The following SLC24A2 variants were observed in gnomAD, a reference collection of about 807,000 sequenced individuals.
SLC24A2 encodes sodium/potassium/calcium exchanger 2.
Under a neutral mutation model 62.0 loss-of-function variants are expected in SLC24A2, and 36 were observed. The ratio of observed to expected loss-of-function variants is 0.58; its 90% CI spans 0.44 to 0.77. SLC24A2 has a LOEUF of 0.77. SLC24A2 is among the 30% of genes least tolerant of loss of function. The probability of loss-of-function intolerance (pLI) is 0.00; values close to 1 mark genes in which losing one functional copy is unlikely to be tolerated. For missense variants in SLC24A2, 846 were observed against 817.9 expected (o/e 1.03, Z -0.42); for synonymous variants, 358 against 294.0 (o/e 1.22, Z -2.23).
the SLC24A2 span, among the ~76,000 whole-genome samples, chr9:20,213,583 A>G: frequency 6.6e-6 from 1 of 152,338 alleles, no homozygotes; most frequent in East Asian, 1.9e-4. Context: ...TTAATCTGAA[A>G]AAGAAAATAA....
the SLC24A2 span, among the ~76,000 whole-genome samples, chr9:20,145,219 T>A: frequency 5.3e-5 from 8 of 152,162 alleles, no homozygotes; most frequent in Non-Finnish European, 1.2e-4. Flanking sequence ...ATAGGCATTT[T>A]GATAACTTCA....
At chr9:19,529,747 C>G (rs1445012622) in intron 8 of SLC24A2, among the ~76,000 whole-genome samples, 2 of 144,198 alleles carry the variant, frequency 1.4e-5, no homozygotes, top group African/African-American at 5.1e-5. Context: ...AGTTGGAGAC[C>G]TTCGTTTTTT....
intron 2 of SLC24A2, among the ~76,000 whole-genome samples, chr9:19,714,212 C>A (rs1455884553): frequency 6.6e-6 from 1 of 152,172 alleles, no homozygotes; most frequent in Non-Finnish European, 1.5e-5. Context: ...CCTATGGCCA[C>A]CCTTTTGTGA....
At chr9:20,284,354 A>G in the SLC24A2 span, among the ~76,000 whole-genome samples, 13 of 152,052 alleles carry the variant, frequency 8.5e-5, no homozygotes, top group Non-Finnish European at 2.9e-5. Flanking sequence ...CATAGCTCAC[A>G]GCAGGCTCGA....
At chr9:20,268,147 A>G in the SLC24A2 span, among the ~76,000 whole-genome samples, 449 of 152,318 alleles carry the variant, frequency 2.9e-3, 4 homozygotes, top group African/African-American at 0.01. Context: ...TGATGTGGGA[A>G]GCATGGCTTA....
the SLC24A2 span, among the ~76,000 whole-genome samples, chr9:20,078,201 A>T: frequency 6.6e-6 from 1 of 152,094 alleles, no homozygotes; most frequent in Non-Finnish European, 1.5e-5. Flanking sequence ...CAGACTGTGC[A>T]CTCCATAGTT....
chr9:19,547,039 T>C (rs1476998667), intron 8 of SLC24A2, among the ~76,000 whole-genome samples: 1 of 152,180 alleles, frequency 6.6e-6, no homozygotes, highest in Non-Finnish European at 1.5e-5. Context: ...GCGATCTCGC[T>C]GGGAGCTGCA....
the SLC24A2 span, among the ~76,000 whole-genome samples, chr9:20,118,852 T>A: frequency 6.6e-6 from 1 of 152,086 alleles, no homozygotes; most frequent in African/African-American, 2.4e-5. Context: ...CTCCCCTCCC[T>A]TGAGTGCAGA....
the SLC24A2 span, among the ~76,000 whole-genome samples, chr9:20,148,960 G>T: frequency 6.6e-6 from 1 of 152,054 alleles, no homozygotes; most frequent in Admixed American, 6.6e-5. Context: ...GCAGCAATAA[G>T]CTGGGAAAGT....
intron 2 of SLC24A2, among the ~76,000 whole-genome samples, chr9:19,718,458 ATTTTTTTTTTTTTTT>A (rs58736549): frequency 1.0e-5 from 1 of 99,798 alleles, no homozygotes. Context: ...ATGCCTGGCT[ATTTTTTTTTTTTTTT>A]TTTTTTTTTG....
the SLC24A2 span, among the ~76,000 whole-genome samples, chr9:20,031,672 G>GAA: frequency 6.6e-6 from 1 of 152,084 alleles, no homozygotes; most frequent in East Asian, 1.9e-4. Context: ...TACAAAACTT[G>GAA]TTATAGAACA....
the SLC24A2 span, among the ~76,000 whole-genome samples, chr9:20,142,452 T>A: frequency 2.7e-5 from 4 of 145,914 alleles, no homozygotes; most frequent in African/African-American, 1.1e-4. Flanking sequence ...CTTAAATATT[T>A]TTGTTTTTTA....
At chr9:19,641,007 G>A (rs1406218387) in intron 2 of SLC24A2, among the ~76,000 whole-genome samples, 1 of 152,194 alleles carries the variant, frequency 6.6e-6, no homozygotes, top group Non-Finnish European at 1.5e-5. Context: ...GTGGGCTTTG[G>A]TTGCTGTGTA....
chr9:19,789,708 G>C (rs1464062285), upstream of SLC24A2, among the ~76,000 whole-genome samples: 1 of 152,184 alleles, frequency 6.6e-6, no homozygotes, highest in African/African-American at 2.4e-5. Context: ...GGCTTGTTGG[G>C]GATGAGAGAC....
chr9:20,275,598 G>A, the SLC24A2 span, among the ~76,000 whole-genome samples: 1 of 152,098 alleles, frequency 6.6e-6, no homozygotes, highest in Non-Finnish European at 1.5e-5. Context: ...CTATATCCAG[G>A]GCAAGTTTGT....
chr9:19,857,020 T>G, the SLC24A2 span, among the ~76,000 whole-genome samples: 1 of 152,348 alleles, frequency 6.6e-6, no homozygotes, highest in East Asian at 1.9e-4. Flanking sequence ...TATTTTAACT[T>G]TATTGTTAAA....
chr9:20,187,788 T>C, the SLC24A2 span, among the ~76,000 whole-genome samples: 1 of 152,134 alleles, frequency 6.6e-6, no homozygotes, highest in Non-Finnish European at 1.5e-5. Flanking sequence ...CCATAATTAA[T>C]CATCTGTTTA....
At chr9:19,700,727 C>T (rs1820332050) in intron 2 of SLC24A2, among the ~76,000 whole-genome samples, 1 of 152,192 alleles carries the variant, frequency 6.6e-6, no homozygotes, top group Non-Finnish European at 1.5e-5. Flanking sequence ...TCTAAATATA[C>T]CTGTGACATT....
At chr9:20,202,050 GGTGTGTGTGTGTGTGT>G in the SLC24A2 span, among the ~76,000 whole-genome samples, 2,331 of 141,774 alleles carry the variant, frequency 0.016, 65 homozygotes, top group African/African-American at 0.055. Context: ...CCCATTTCAT[GGTGTGTGTGTGTGTGT>G]GTGTGTGTGT....
Sources: gnomAD v4.1 joint callset for allele counts (sites outside exome capture counted in the v4.1 genomes callset) on GRCh38, gnomAD v4.1.1 for gene constraint, MANE v1.5 for transcripts, NCBI Gene and HGNC (gene_info 2026-07-23, HGNC 2026-07-21) for gene names.